SLX4IP: variants seen among roughly 807,000 people sequenced by gnomAD.
SLX4IP encodes protein SLX4IP.
A neutral mutation model predicts 32.9 loss-of-function variants in SLX4IP; 34 were observed. The observed-to-expected ratio is 1.03, with a 90% CI of 0.79 to 1.38. SLX4IP has a LOEUF of 1.38. Ranked by LOEUF, SLX4IP falls within the 40% of genes most tolerant of loss-of-function variation. The pLI is 0.00. For missense variants in SLX4IP, 444 were observed against 479.0 expected (o/e 0.93, Z 0.68); for synonymous variants, 172 against 171.7 (o/e 1.00, Z -0.01).
intron 5 of SLX4IP, among the ~76,000 whole-genome samples, chr20:10,599,070 T>A (rs182221704): frequency 4.9e-4 from 74 of 152,246 alleles, no homozygotes; most frequent in African/African-American, 1.6e-3. Context: ...CCCTGGCATA[T>A]GGAGCAGGTG....
chr20:10,619,778 A>G (rs1240597364), intron 6 of SLX4IP, among the ~76,000 whole-genome samples: 3 of 152,158 alleles, frequency 2.0e-5, no homozygotes, highest in Admixed American at 1.3e-4. Context: ...ATAAATCTCG[A>G]TTCCTCTCGA....
chr20:10,477,320 A>G (rs1315435193), intron 2 of SLX4IP, among the ~76,000 whole-genome samples: 3 of 151,992 alleles, frequency 2.0e-5, no homozygotes, highest in African/African-American at 4.8e-5. Flanking sequence ...TAATTTTTGT[A>G]TTTTTAGTAG....
rs534963473 is a variant in SLX4IP at position 10,477,921 on chromosome 20, G to A, written c.27+19690G>A. Reference sequence around the variant, plus strand: ...CCCTTTTTTTTTTTTTTTTTGAAACGGAGTCTTGCTCTATCGCCCATGCTG... The same window carrying A: ...CCCTTTTTTTTTTTTTTTTTGAAACAGAGTCTTGCTCTATCGCCCATGCTG... On this transcript the variant is annotated intron_variant, in intron 2 of 7. Coordinates refer to ENST00000334534, the MANE Select transcript of SLX4IP (RefSeq NM_001009608.3). 1.4e-4 allele frequency among the ~76,000 whole-genome samples: 20 copies of A among 143,712 alleles called. 1 individual carries two copies. The highest frequency in any genetic ancestry group is 8.7e-4 in the South Asian group (4 of 4,604). The allele number at this position is 143,712 out of a possible 152,430, so 94.3% of individuals were successfully genotyped here. A position where few individuals can be genotyped will look rare whatever the true frequency, so the allele number is the denominator to read the frequency against.
chr20:10,512,778 C>CTA (rs57942782), intron 2 of SLX4IP, among the ~76,000 whole-genome samples: 433 of 25,300 alleles, frequency 0.017, 2 homozygotes, highest in Admixed American at 0.043. Flanking sequence ...CACACACACT[C>CTA]TATATATATA....
intron 1 of SLX4IP, among the ~76,000 whole-genome samples, chr20:10,436,248 C>G (rs2065112759): frequency 6.6e-6 from 1 of 152,070 alleles, no homozygotes. Flanking sequence ...TAGAATTACA[C>G]TTCATGACTC....
At chr20:10,562,610 T>C (rs1034354134) in intron 4 of SLX4IP, among the ~76,000 whole-genome samples, 5 of 152,186 alleles carry the variant, frequency 3.3e-5, no homozygotes, top group African/African-American at 1.2e-4. Context: ...CAGGAGTGCC[T>C]GTCCTCACCT....
intron 2 of SLX4IP, among the ~76,000 whole-genome samples, chr20:10,510,606 A>ATTT (rs2065798282): frequency 1.6e-5 from 2 of 126,486 alleles, no homozygotes; most frequent in Admixed American, 8.5e-5. Context: ...TATTATTTTT[A>ATTT]TTATTTTTTT....
chr20:10,444,586 C>T (rs1301249016), intron 1 of SLX4IP, among the ~76,000 whole-genome samples: 1 of 152,092 alleles, frequency 6.6e-6, no homozygotes, highest in African/African-American at 2.4e-5. Context: ...CCATGTTGTT[C>T]ACGCTGGTCT....
Position 10,437,658 on chromosome 20 carries a change from A to T in SLX4IP, c.-30+2205A>T, listed in dbSNP as rs185678025. 5.6e-4 allele frequency among the ~76,000 whole-genome samples: 85 copies of T among 152,280 alleles called. 2 individuals carry two copies. In the East Asian group the frequency reaches 0.016, roughly 29 times the overall value. ...CTTTCTGCTTCTCCTCCCTCCATCT[A>T]TTAATTGGGAAAAGAAAATAAAGCC... On this transcript the variant is annotated intron_variant, in intron 1 of 7. Transcript: ENST00000334534.
chr20:10,572,338 T>C (rs1012475290), intron 4 of SLX4IP, among the ~76,000 whole-genome samples: 8 of 152,228 alleles, frequency 5.3e-5, no homozygotes, highest in African/African-American at 1.9e-4. Context: ...TTTTTTTAAA[T>C]ACAATTTTCC....
intron 4 of SLX4IP, among the ~76,000 whole-genome samples, chr20:10,597,049 C>T (rs145455993): frequency 9.8e-4 from 150 of 152,350 alleles, no homozygotes; most frequent in Non-Finnish European, 1.6e-4. Context: ...CTGTCAGAGC[C>T]ATCGCTTGTT....
At chr20:10,589,939 A>C (rs1028108192) in intron 4 of SLX4IP, among the ~76,000 whole-genome samples, 1 of 151,854 alleles carries the variant, frequency 6.6e-6, no homozygotes, top group African/African-American at 2.4e-5. Context: ...TAGGAAAAAA[A>C]TTTTTTTTAC....
chr20:10,531,240 G>A (rs1427974711), intron 2 of SLX4IP, among the ~76,000 whole-genome samples: 3 of 152,188 alleles, frequency 2.0e-5, no homozygotes. Context: ...TGACTTGACA[G>A]GGAAGTTCAT....
chr20:10,592,057 AC>A (rs1208339244), intron 4 of SLX4IP, among the ~76,000 whole-genome samples: 1 of 152,190 alleles, frequency 6.6e-6, no homozygotes, highest in African/African-American at 2.4e-5. Context: ...TATTCATGAA[AC>A]ATTTCATGCT....
At chr20:10,574,773 G>C (rs6108629) in intron 4 of SLX4IP, among the ~76,000 whole-genome samples, 1 of 152,046 alleles carries the variant, frequency 6.6e-6, no homozygotes, top group East Asian at 1.9e-4. Flanking sequence ...CCCAGGTTCA[G>C]GTGATTCTCC....
chr20:10,489,966 C>A (rs1182987323), intron 2 of SLX4IP, among the ~76,000 whole-genome samples: 2 of 152,136 alleles, frequency 1.3e-5, no homozygotes, highest in South Asian at 2.1e-4. Context: ...AACTCTACCC[C>A]ACCCATACAT....
chr20:10,617,512 T>C (rs2122567636), intron 6 of SLX4IP, among the ~76,000 whole-genome samples: 1 of 152,316 alleles, frequency 6.6e-6, no homozygotes, highest in East Asian at 1.9e-4. Flanking sequence ...AATCCAACAG[T>C]GTTCTGTTCA....
rs1023679981 is a variant in SLX4IP at position 10,488,857 on chromosome 20, A to G, written c.27+30626A>G. 2.0e-5 allele frequency among the ~76,000 whole-genome samples: 3 copies of G among 152,274 alleles called. No individual in the cohort carries two copies. The South Asian group carries it at 6.2e-4, about 32-fold the overall frequency. On this transcript the variant is annotated intron_variant, in intron 2 of 7. Transcript: ENST00000334534. ...GCTGAAATATTGGGCAAGGCTGTCC[A>G]TTTCAAGTTGACACACTGAACAAAT...
intron 6 of SLX4IP, among the ~76,000 whole-genome samples, chr20:10,618,949 G>A (rs1227059807): frequency 3.4e-5 from 5 of 147,650 alleles, no homozygotes; most frequent in African/African-American, 1.2e-4. Flanking sequence ...TTGGGGGGGC[G>A]GGGGAGGGGA....
Sources: gnomAD v4.1 joint callset for allele counts (sites outside exome capture counted in the v4.1 genomes callset) on GRCh38, gnomAD v4.1.1 for gene constraint, MANE v1.5 for transcripts, NCBI Gene and HGNC (gene_info 2026-07-23, HGNC 2026-07-21) for gene names.